NAALADL2: variants seen among roughly 807,000 people sequenced by gnomAD.
The protein encoded by NAALADL2 is N-acetylated alpha-linked acidic dipeptidase like 2.
In NAALADL2, 76 loss-of-function variants were observed where a neutral mutation model predicts 87.2. The observed-to-expected ratio is 0.87, with a 90% CI of 0.72 to 1.05. NAALADL2 has a LOEUF of 1.05. NAALADL2 is among the 50% of genes least tolerant of loss of function. NAALADL2 has a pLI of 0.00. For synonymous variants in NAALADL2, 354 were observed against 331.0 expected (o/e 1.07, Z -0.75); for missense variants, 1,089 against 945.8 (o/e 1.15, Z -1.99).
chr3:175,411,011 T>C (rs1166271724), intron 5 of NAALADL2, among the ~76,000 whole-genome samples: 1 of 152,126 alleles, frequency 6.6e-6, no homozygotes, highest in Non-Finnish European at 1.5e-5. Flanking sequence ...GGATGCGGTG[T>C]TATAGGACCA....
At chr3:175,425,491 G>T (rs1312720414) in intron 5 of NAALADL2, among the ~76,000 whole-genome samples, 1 of 151,772 alleles carries the variant, frequency 6.6e-6, no homozygotes, top group African/African-American at 2.4e-5. Flanking sequence ...GAAAATAATA[G>T]GTTTACCCAG....
chr3:175,358,223 G>A (rs777083127), intron 5 of NAALADL2, among the ~76,000 whole-genome samples: 1 of 151,804 alleles, frequency 6.6e-6, no homozygotes, highest in African/African-American at 2.4e-5. Context: ...CATACATACA[G>A]GTTTTTTTTC....
intron 3 of NAALADL2, among the ~76,000 whole-genome samples, chr3:174,768,337 G>A (rs1412512426): frequency 2.6e-5 from 4 of 152,140 alleles, no homozygotes; most frequent in African/African-American, 7.2e-5. Context: ...TAGTGGTTAA[G>A]AACATAACCT....
intron 1 of NAALADL2, among the ~76,000 whole-genome samples, chr3:174,872,033 A>C (rs1727893050): frequency 6.6e-6 from 1 of 152,178 alleles, no homozygotes; most frequent in Non-Finnish European, 1.5e-5. Flanking sequence ...TTGAAATTAC[A>C]GGCTTTAAGG....
intron 2 of NAALADL2, among the ~76,000 whole-genome samples, chr3:174,731,061 T>G (rs893680563): frequency 1.3e-5 from 2 of 152,146 alleles, no homozygotes; most frequent in Non-Finnish European, 2.9e-5. Context: ...ATTATTCCTA[T>G]TTTTATTCCT....
chr3:174,457,337 G>T (rs1715908340), intron 1 of NAALADL2, among the ~76,000 whole-genome samples: 1 of 152,116 alleles, frequency 6.6e-6, no homozygotes, highest in Non-Finnish European at 1.5e-5. Flanking sequence ...ATTCCTTCCA[G>T]CAACCCCATT....
intron 3 of NAALADL2, among the ~76,000 whole-genome samples, chr3:174,770,485 G>A (rs935264980): frequency 1.3e-5 from 2 of 152,118 alleles, no homozygotes; most frequent in South Asian, 4.1e-4. Flanking sequence ...TAGTGAAAAA[G>A]CAATGCAAAA....
chr3:174,515,141 A>T (rs1045904879), intron 1 of NAALADL2, among the ~76,000 whole-genome samples: 4 of 152,166 alleles, frequency 2.6e-5, no homozygotes, highest in Non-Finnish European at 5.9e-5. Flanking sequence ...AGAGAAAAAT[A>T]GTATTTCAGA....
chr3:175,742,639 C>T (rs1483912780), intron 12 of NAALADL2, among the ~76,000 whole-genome samples: 2 of 152,164 alleles, frequency 1.3e-5, no homozygotes, highest in Admixed American at 6.5e-5. Flanking sequence ...CCCCATGATC[C>T]GCCCGCCTTG....
At chr3:175,072,869 G>T (rs930451802) in intron 1 of NAALADL2, among the ~76,000 whole-genome samples, 1 of 151,692 alleles carries the variant, frequency 6.6e-6, no homozygotes, top group African/African-American at 2.4e-5. Context: ...AAATGGAAAA[G>T]TTAATAAATA....
At chr3:174,738,441 A>G (rs928016831) in intron 3 of NAALADL2, among the ~76,000 whole-genome samples, 5 of 152,190 alleles carry the variant, frequency 3.3e-5, no homozygotes, top group African/African-American at 1.2e-4. Flanking sequence ...TAGATTAAAT[A>G]AGGGAAAGGT....
At chr3:175,751,096 T>C (rs1746568543) in intron 12 of NAALADL2, among the ~76,000 whole-genome samples, 1 of 152,166 alleles carries the variant, frequency 6.6e-6, no homozygotes, top group Non-Finnish European at 1.5e-5. Flanking sequence ...TTTTAATATT[T>C]ATAATAAATC....
chr3:174,898,656 G>A (rs1316252216), intron 1 of NAALADL2, among the ~76,000 whole-genome samples: 3 of 151,212 alleles, frequency 2.0e-5, no homozygotes, highest in Admixed American at 2.0e-4. Context: ...AGTAATTTAA[G>A]AAATAAATAA....
Position 175,536,533 on chromosome 3 carries a change from T to C in NAALADL2, c.1654-39508T>C, listed in dbSNP as rs1043382663. 7.9e-5 allele frequency among the ~76,000 whole-genome samples: 12 copies of C among 152,254 alleles called. No homozygotes were observed. The East Asian group carries it at 1.9e-3, about 24-fold the overall frequency. On this transcript the variant is annotated intron_variant, in intron 9 of 13. Transcript: ENST00000454872. ...TTATCATGTATTTACTAAATGGAAA[T>C]ACATGATATTTAATTGATTAGACTT...
intron 4 of NAALADL2, among the ~76,000 whole-genome samples, chr3:175,316,841 C>A (rs1001601360): frequency 3.3e-5 from 5 of 152,146 alleles, no homozygotes; most frequent in Non-Finnish European, 5.9e-5. Context: ...TAAGCAGTGT[C>A]TTTTATTGCC....
intron 1 of NAALADL2, among the ~76,000 whole-genome samples, chr3:174,459,074 T>C (rs1006733827): frequency 1.3e-5 from 2 of 152,134 alleles, no homozygotes; most frequent in Admixed American, 1.3e-4. Context: ...TTTGACAAAA[T>C]GGGAAAATAA....
chr3:175,549,088 G>A (rs895004849), intron 9 of NAALADL2, among the ~76,000 whole-genome samples: 9 of 151,812 alleles, frequency 5.9e-5, no homozygotes, highest in Non-Finnish European at 4.4e-5. Flanking sequence ...TTTTCTTATA[G>A]TATAGTTGAA....
chr3:175,334,928 C>T (rs1761824336), intron 5 of NAALADL2, among the ~76,000 whole-genome samples: 2 of 152,134 alleles, frequency 1.3e-5, no homozygotes, highest in Non-Finnish European at 2.9e-5. Context: ...TATGCCGTTT[C>T]TGCAATCAGT....
intron 4 of NAALADL2, among the ~76,000 whole-genome samples, chr3:175,276,860 TC>T (rs1384156863): frequency 2.0e-5 from 3 of 152,080 alleles, no homozygotes; most frequent in Non-Finnish European, 4.4e-5. Flanking sequence ...ATCCCATTAT[TC>T]CCCAACTCAC....
Sources: gnomAD v4.1 joint callset for allele counts (sites outside exome capture counted in the v4.1 genomes callset) on GRCh38, gnomAD v4.1.1 for gene constraint, MANE v1.5 for transcripts, NCBI Gene and HGNC (gene_info 2026-07-23, HGNC 2026-07-21) for gene names.